CSMD1: variants seen among roughly 807,000 people sequenced by gnomAD.
CSMD1 encodes the protein CUB and Sushi multiple domains 1, also known as CUB and sushi domain-containing protein 1.
CSMD1 carries 213 observed loss-of-function variants against 417.5 expected under a neutral mutation model. The ratio of observed to expected loss-of-function variants is 0.51; its 90% CI spans 0.46 to 0.57. CSMD1 has a LOEUF of 0.57. Among genes scored for constraint, CSMD1 ranks in the 20% least tolerant of loss-of-function variants. CSMD1 has a pLI of 0.00. For synonymous variants in CSMD1, 2,862 were observed against 1,736.8 expected (o/e 1.65, Z -16.11); for missense variants, 6,923 against 4,529.7 (o/e 1.53, Z -15.17).
At chr8:3,064,404 A>C (rs962167875) in intron 49 of CSMD1, among the ~76,000 whole-genome samples, 9 of 152,080 alleles carry the variant, frequency 5.9e-5, no homozygotes, top group Non-Finnish European at 1.3e-4. Flanking sequence ...CATGTGAAGA[A>C]GGGACTTGCT....
intron 3 of CSMD1, among the ~76,000 whole-genome samples, chr8:4,239,343 C>A (rs1391976705): frequency 6.6e-6 from 1 of 152,188 alleles, no homozygotes; most frequent in South Asian, 2.1e-4. Context: ...TGCCCTTCAA[C>A]CTTGGTGGAA....
At chr8:3,837,856 C>T (rs1218023362) in intron 5 of CSMD1, among the ~76,000 whole-genome samples, 3 of 152,172 alleles carry the variant, frequency 2.0e-5, no homozygotes, top group Admixed American at 2.0e-4. Flanking sequence ...GCCACAGCTT[C>T]ATTCCAACCT....
intron 1 of CSMD1, among the ~76,000 whole-genome samples, chr8:4,684,433 T>C (rs1806239371): frequency 6.6e-6 from 1 of 152,202 alleles, no homozygotes; most frequent in Admixed American, 6.5e-5. Context: ...TCTTGCTTTT[T>C]GAAATGGATA....
rs191944343 is a variant in CSMD1, at chr8:3,297,872, C to T, written c.3950+9823G>A. ...AAAAAATGAGTAAAAATTATTATGA[C>T]TCATTGGAATTAAAAACCTGTGTTT... On this transcript the variant is annotated intron_variant, in intron 25 of 69. Coordinates refer to ENST00000635120, the MANE Select transcript of CSMD1 (RefSeq NM_033225.6). Among the ~76,000 whole-genome samples the T allele has an allele frequency of 1.9e-4, 29 of 152,082 alleles. No individual in the cohort carries two copies. In the East Asian group the frequency reaches 5.0e-3, roughly 26 times the overall value.
intron 5 of CSMD1, among the ~76,000 whole-genome samples, chr8:3,812,295 T>C (rs542753878): frequency 6.6e-6 from 1 of 152,294 alleles, no homozygotes; most frequent in African/African-American, 2.4e-5. Context: ...GACTCTAATC[T>C]CACAGGGTCC....
At chr8:4,248,750 C>G (rs564810495) in intron 3 of CSMD1, among the ~76,000 whole-genome samples, 10 of 152,116 alleles carry the variant, frequency 6.6e-5, no homozygotes, top group Non-Finnish European at 1.3e-4. Context: ...CATTACATTA[C>G]ACTTATTAAG....
rs774290290 is a variant in CSMD1, at chr8:3,575,076, C to G, written c.1223-10G>C. 11 of 1,602,694 alleles carry G rather than the reference C, an allele frequency of 6.9e-6. No individual in the cohort carries two copies. The East Asian group carries it at 2.5e-4, about 36-fold the overall frequency. ...GATCCACATGTTCTCGCTGGAAACA[C>G]ATAGAAACGACGTTATTTTCTACAA... On this transcript the variant is annotated splice_polypyrimidine_tract_variant and intron_variant, in intron 9 of 69. Coordinates refer to ENST00000635120, the MANE Select transcript of CSMD1 (RefSeq NM_033225.6).
In CSMD1 at chr8:2,974,973, G is replaced by A. The variant is rs527840050; in HGVS notation, c.8567-349C>T. 1.9e-4 allele frequency among the ~76,000 whole-genome samples: 29 copies of A among 152,202 alleles called. No homozygotes were observed. The South Asian group carries it at 5.4e-3, about 28-fold the overall frequency. On this transcript the variant is annotated intron_variant, in intron 55 of 69. Coordinates refer to ENST00000635120, the MANE Select transcript of CSMD1 (RefSeq NM_033225.6). ...ATGAACAGTATTATAGGAAATTTGC[G>A]AAAGTAACATGGATGCATTAAAACT...
At chr8:3,707,762 G>A (rs1427118466) in intron 7 of CSMD1, among the ~76,000 whole-genome samples, 1 of 152,196 alleles carries the variant, frequency 6.6e-6, no homozygotes, top group Non-Finnish European at 1.5e-5. Flanking sequence ...TTCTGGCAGA[G>A]AAGCACCATG....
intron 25 of CSMD1, among the ~76,000 whole-genome samples, chr8:3,307,117 C>G (rs1026847524): frequency 3.9e-5 from 6 of 152,152 alleles, no homozygotes; most frequent in Non-Finnish European, 8.8e-5. Context: ...ATTAAAAGAA[C>G]AGTAGAGTGT....
chr8:3,325,966 C>A (rs993588111), intron 23 of CSMD1, among the ~76,000 whole-genome samples: 3 of 152,092 alleles, frequency 2.0e-5, no homozygotes, highest in Admixed American at 6.6e-5. Flanking sequence ...CTAAACCTTG[C>A]AGGAAATTAT....
chr8:4,463,905 A>G (rs925303038), intron 2 of CSMD1, among the ~76,000 whole-genome samples: 2 of 152,184 alleles, frequency 1.3e-5, no homozygotes, highest in Non-Finnish European at 2.9e-5. Context: ...AATCATTTCA[A>G]TATAGCTCTG....
intron 1 of CSMD1, among the ~76,000 whole-genome samples, chr8:4,970,961 G>C (rs1045409655): frequency 2.6e-5 from 4 of 152,100 alleles, no homozygotes; most frequent in Admixed American, 1.3e-4. Context: ...ATATCAGTGT[G>C]TTTACAGAAG....
At chr8:4,076,394 C>G (rs773237209) in intron 3 of CSMD1, among the ~76,000 whole-genome samples, 20 of 152,172 alleles carry the variant, frequency 1.3e-4, no homozygotes, top group Admixed American at 3.9e-4. Flanking sequence ...TTCTTTATAG[C>G]AGCGTAAGAA....
chr8:3,194,804 T>C (rs17079582), intron 33 of CSMD1, among the ~76,000 whole-genome samples: 100,550 of 151,572 alleles, frequency 0.66, 34,505 homozygotes, highest in Non-Finnish European at 0.76. Context: ...CTAAAGAGAC[T>C]GAGTCTTTCC....
chr8:3,634,896 T>A (rs772550277), intron 7 of CSMD1, among the ~76,000 whole-genome samples: 1 of 152,154 alleles, frequency 6.6e-6, no homozygotes, highest in Non-Finnish European at 1.5e-5. Context: ...CCTGCTGGGC[T>A]ATAGGGTACA....
At chr8:3,679,436 G>T (rs1416612368) in intron 7 of CSMD1, among the ~76,000 whole-genome samples, 2 of 152,178 alleles carry the variant, frequency 1.3e-5, no homozygotes, top group African/African-American at 4.8e-5. Flanking sequence ...AAGAGACAAA[G>T]AAAGCCATTA....
intron 3 of CSMD1, among the ~76,000 whole-genome samples, chr8:4,419,282 GAC>G (rs1269946411): frequency 2.0e-5 from 3 of 152,198 alleles, no homozygotes; most frequent in African/African-American, 7.2e-5. Flanking sequence ...AACAAAAGTA[GAC>G]ACACATCGGC....
At chr8:3,223,935 A>T in intron 27 of CSMD1, 68 bp from the exon 28 acceptor site, 1 of 1,487,106 alleles carries the variant, frequency 6.7e-7, no homozygotes, top group Admixed American at 1.9e-5. Context: ...TCAGTGTGGA[A>T]GGAGACACCA....
Sources: gnomAD v4.1 joint callset for allele counts (sites outside exome capture counted in the v4.1 genomes callset) on GRCh38, gnomAD v4.1.1 for gene constraint, MANE v1.5 for transcripts, NCBI Gene and HGNC (gene_info 2026-07-23, HGNC 2026-07-21) for gene names.